KCNH5: variants seen among roughly 807,000 people sequenced by gnomAD.
KCNH5 encodes voltage-gated delayed rectifier potassium channel KCNH5.
KCNH5 carries 46 observed loss-of-function variants against 96.1 expected under a neutral mutation model. The ratio of observed to expected loss-of-function variants is 0.48; its 90% CI spans 0.38 to 0.61. KCNH5 has a LOEUF of 0.61. KCNH5 is among the 20% of genes least tolerant of loss of function. KCNH5 has a pLI of 0.00. For missense variants in KCNH5, 907 were observed against 1,225.8 expected (o/e 0.74, Z 3.88); for synonymous variants, 439 against 449.8 (o/e 0.98, Z 0.30).
chr14:62,977,211 A>T (rs1479975606), intron 6 of KCNH5, among the ~76,000 whole-genome samples: 5 of 151,956 alleles, frequency 3.3e-5, no homozygotes, highest in Admixed American at 6.6e-5. Context: ...AAAAAATTTA[A>T]AAAAAATTAG....
chr14:63,009,790 T>C (rs1594673415), intron 2 of KCNH5, among the ~76,000 whole-genome samples: 1 of 152,212 alleles, frequency 6.6e-6, no homozygotes. Flanking sequence ...TTGTCACATA[T>C]GAATGCTGAA....
intron 7 of KCNH5, among the ~76,000 whole-genome samples, chr14:62,889,388 A>C (rs1466561780): frequency 6.6e-6 from 1 of 152,198 alleles, no homozygotes; most frequent in Non-Finnish European, 1.5e-5. Flanking sequence ...AGCCAGGAAA[A>C]GCAGAGACTG....
rs113006072 is a variant in KCNH5, at chr14:62,756,447, A to T, written c.2019+23281T>A. ...CATTCTTCAAAGAAATAGAAAAAAA[A>T]ATCCTAAAATTCATATGGAACCACA... On this transcript the variant is annotated intron_variant, in intron 10 of 10. Coordinates refer to ENST00000322893, the MANE Select transcript of KCNH5 (RefSeq NM_139318.5). Among the ~76,000 whole-genome samples the T allele has an allele frequency of 2.2e-3, 337 of 152,274 alleles. 1 individual carries two copies. Among genetic ancestry groups the T allele is most frequent in the African/African-American group, 7.6e-3 (314 of 41,572 alleles).
At chr14:62,887,655 C>T (rs920247379) in intron 7 of KCNH5, among the ~76,000 whole-genome samples, 3 of 151,978 alleles carry the variant, frequency 2.0e-5, no homozygotes, top group Admixed American at 6.6e-5. Context: ...CAGAATATAG[C>T]GTTCCAGCTT....
intron 10 of KCNH5, among the ~76,000 whole-genome samples, chr14:62,713,923 T>C (rs2139905794): frequency 6.6e-6 from 1 of 152,316 alleles, no homozygotes; most frequent in East Asian, 1.9e-4. Flanking sequence ...TATATTTCCA[T>C]GGTAATTATT....
chr14:62,782,312 G>C (rs986206248), intron 9 of KCNH5, among the ~76,000 whole-genome samples: 1 of 152,154 alleles, frequency 6.6e-6, no homozygotes, highest in Non-Finnish European at 1.5e-5. Context: ...AGGGTACAAA[G>C]AGAAAACATG....
chr14:62,723,539 T>C (rs1884860507), intron 10 of KCNH5, among the ~76,000 whole-genome samples: 1 of 152,238 alleles, frequency 6.6e-6, no homozygotes, highest in Admixed American at 6.5e-5. Flanking sequence ...CACTTGGATG[T>C]ATAGACATTC....
chr14:63,003,627 T>TATATA (rs1891070531), intron 3 of KCNH5, among the ~76,000 whole-genome samples: 1 of 130,060 alleles, frequency 7.7e-6, no homozygotes, highest in African/African-American at 3.0e-5. Context: ...TATATATATT[T>TATATA]TTTTTTTTTT....
Position 62,823,868 on chromosome 14 carries a change from TA to T in KCNH5, c.1570-21288del, listed in dbSNP as rs377038656. Among the ~76,000 whole-genome samples the T allele has an allele frequency of 2.5e-4, 38 of 152,158 alleles. 1 individual carries two copies. Among genetic ancestry groups the T allele is most frequent in the African/African-American group, 8.9e-4 (37 of 41,544 alleles). ...TTTTCCCCTTTCTTCAATCGTCCCC[TA>T]AATCTACTCATTATTTCCTCTTATT... is the stretch of plus-strand genomic sequence containing the variant. On this transcript the variant is annotated intron_variant, in intron 8 of 10. Coordinates refer to ENST00000322893, the MANE Select transcript of KCNH5 (RefSeq NM_139318.5).
chr14:62,771,003 G>A (rs1417175455), intron 10 of KCNH5, among the ~76,000 whole-genome samples: 1 of 152,034 alleles, frequency 6.6e-6, no homozygotes, highest in Non-Finnish European at 1.5e-5. Context: ...TGATCCAATA[G>A]GACTTGTGTC....
intron 7 of KCNH5, among the ~76,000 whole-genome samples, chr14:62,878,201 T>TGGG (rs66735494): frequency 2.3e-3 from 210 of 89,506 alleles, no homozygotes; most frequent in African/African-American, 0.011. Flanking sequence ...GTTGTGGGGA[T>TGGG]GGGGGGGGGG....
rs1249516292 is a variant in KCNH5 at position 62,821,203 on chromosome 14, G to GAA, written c.1570-18624_1570-18623dup. Among the ~76,000 whole-genome samples, 82 of 144,986 alleles carry GAA rather than the reference G, an allele frequency of 5.7e-4. 1 individual carries two copies. The highest frequency in any genetic ancestry group is 2.0e-3 in the African/African-American group (80 of 39,762). On this transcript the variant is annotated intron_variant, in intron 8 of 10. Coordinates refer to ENST00000322893, the MANE Select transcript of KCNH5 (RefSeq NM_139318.5). ...ATATGTGCAGCCAACAATCATATGG[G>GAA]AAAAAAAAAAGCTTTTCTTAAATAA...
intron 6 of KCNH5, among the ~76,000 whole-genome samples, chr14:62,972,843 G>A (rs1399324736): frequency 6.6e-6 from 1 of 152,196 alleles, no homozygotes; most frequent in African/African-American, 2.4e-5. Context: ...TGGTTGCCAC[G>A]GATAAGCAGA....
chr14:62,834,680 T>C (rs1887429905), intron 8 of KCNH5, among the ~76,000 whole-genome samples: 1 of 152,022 alleles, frequency 6.6e-6, no homozygotes, highest in South Asian at 2.1e-4. Flanking sequence ...ATTGGACTCA[T>C]CATCGGTATT....
intron 1 of KCNH5, among the ~76,000 whole-genome samples, chr14:63,042,741 A>G (rs1302223478): frequency 6.6e-6 from 1 of 152,204 alleles, no homozygotes; most frequent in African/African-American, 2.4e-5. Flanking sequence ...TCATATAGAA[A>G]TGACAACTGC....
At chr14:62,906,279 G>A (rs1200854438) in intron 7 of KCNH5, among the ~76,000 whole-genome samples, 1 of 152,126 alleles carries the variant, frequency 6.6e-6, no homozygotes, top group Non-Finnish European at 1.5e-5. Flanking sequence ...AATATAGTAT[G>A]TCTGTGTGTG....
rs1283520141 is a variant in KCNH5 at position 62,706,990 on chromosome 14, A to G, written c.*518T>C. ...AAACAGTCATTTAAATGGAGCAAACACTGCCTGTAGGGGAAAAGAACCTAA... is the reference window on the plus strand; with the variant it reads ...AAACAGTCATTTAAATGGAGCAAACGCTGCCTGTAGGGGAAAAGAACCTAA... On this transcript the variant is annotated 3_prime_UTR_variant, in exon 11 of 11. Transcript: ENST00000322893. The G allele has an allele frequency of 6.6e-6, 1 of 152,236 alleles. No individual in the cohort carries two copies. Among genetic ancestry groups the G allele is most frequent in the African/African-American group, 2.4e-5 (1 of 41,456 alleles). 9.4% of individuals were successfully genotyped at this position (152,236 alleles called of 1,614,324 possible). A position where few individuals can be genotyped will look rare whatever the true frequency, so the allele number is the denominator to read the frequency against.
At chr14:62,958,071 T>G (rs1890139264) in intron 6 of KCNH5, among the ~76,000 whole-genome samples, 1 of 152,222 alleles carries the variant, frequency 6.6e-6, no homozygotes. Flanking sequence ...TGGGGCAATA[T>G]AGATATCGCG....
At chr14:62,865,601 G>C (rs1328903064) in intron 7 of KCNH5, among the ~76,000 whole-genome samples, 2 of 152,142 alleles carry the variant, frequency 1.3e-5, no homozygotes, top group African/African-American at 4.8e-5. Context: ...TGGAGGGCCC[G>C]GGGGCTATCT....
Sources: allele counts gnomAD v4.1 joint callset (sites outside exome capture counted in the v4.1 genomes callset), GRCh38; gene constraint gnomAD v4.1.1; transcripts MANE v1.5; gene names NCBI Gene and HGNC (gene_info 2026-07-23, HGNC 2026-07-21).